The following DPP10 variants were observed in gnomAD, a reference collection of about 807,000 sequenced individuals.
DPP10 encodes the protein inactive dipeptidyl peptidase 10.
In DPP10, 33 loss-of-function variants were observed where a neutral mutation model predicts 120.9. The ratio of observed to expected loss-of-function variants is 0.27; its 90% CI spans 0.21 to 0.37. The LOEUF is 0.37. Ranked by LOEUF, DPP10 falls within the 10% of genes least tolerant of loss-of-function variation. The pLI is 1.00. For missense variants in DPP10, 816 were observed against 942.8 expected, an observed-to-expected ratio of 0.87 and a Z score of 1.76; for synonymous variants, 337 against 326.1, an observed-to-expected ratio of 1.03 and a Z score of -0.36.
Position 115,486,258 on chromosome 2 carries a change from T to G in DPP10, c.272-13252T>G, listed in dbSNP as rs115308639. 5.4e-3 allele frequency among the ~76,000 whole-genome samples: 727 copies of G among 134,924 alleles called. 6 individuals carry two copies. Among genetic ancestry groups the G allele is most frequent in the Non-Finnish European group, 8.9e-3 (538 of 60,376 alleles). The allele number at this position is 134,924 out of a possible 152,430, so 88.5% of individuals were successfully genotyped here. On this transcript the variant is annotated intron_variant, in intron 3 of 25. Coordinates refer to ENST00000410059, the MANE Select transcript of DPP10 (RefSeq NM_020868.6). The stretch of plus-strand genomic sequence containing the variant: ...TAAGGGTGAGAAAACTTGCTTAAGT[T>G]TTACTGGCACTAGTAACATATCCAT...
In DPP10 at chr2:114,834,893, T is replaced by C. The variant is rs550033026; in HGVS notation, c.60+392055T>C. Reference sequence around the variant, plus strand: ...AGACATATCTACACAACTATGTATATATAAGCCATATCTACACACCTATGT... The same window carrying C: ...AGACATATCTACACAACTATGTATACATAAGCCATATCTACACACCTATGT... On this transcript the variant is annotated intron_variant, in intron 1 of 25. Coordinates refer to ENST00000410059, the MANE Select transcript of DPP10 (RefSeq NM_020868.6). Among the ~76,000 whole-genome samples, 8 of 147,596 alleles carry C rather than the reference T, an allele frequency of 5.4e-5. 1 individual carries two copies. Among genetic ancestry groups the C allele is most frequent in the African/African-American group, 8.0e-5 (3 of 37,450 alleles).
At chr2:114,720,350 A>G (rs1462950049) in intron 1 of DPP10, among the ~76,000 whole-genome samples, 1 of 152,158 alleles carries the variant, frequency 6.6e-6, no homozygotes. Context: ...CAAATTAAAC[A>G]TACATACTGA....
intron 1 of DPP10, among the ~76,000 whole-genome samples, chr2:114,605,665 C>A (rs959696939): frequency 6.6e-6 from 1 of 151,834 alleles, no homozygotes; most frequent in African/African-American, 2.4e-5. Flanking sequence ...CCCCTAACCC[C>A]GATATTATTC....
rs542721737 is a variant in DPP10 at position 114,624,566 on chromosome 2, T to C, written c.60+181728T>C. Among the ~76,000 whole-genome samples the C allele has an allele frequency of 3.6e-4, 55 of 151,996 alleles. 2 individuals are homozygous for C. The South Asian group carries it at 0.011, about 29-fold the overall frequency. The stretch of plus-strand genomic sequence containing the variant: ...GAAAATATAAATAATAATACTTAAT[T>C]TGGAGACCTTTCACTTAAAAGAGAC... On this transcript the variant is annotated intron_variant, in intron 1 of 25. Transcript: ENST00000410059.
chr2:114,508,763 C>A (rs958149061), intron 1 of DPP10, among the ~76,000 whole-genome samples: 12 of 152,260 alleles, frequency 7.9e-5, no homozygotes, highest in African/African-American at 2.9e-4. Context: ...ACAGCCCCCA[C>A]TGTCCCCAAA....
chr2:114,693,799 T>G (rs564962981), intron 1 of DPP10, among the ~76,000 whole-genome samples: 1 of 152,034 alleles, frequency 6.6e-6, no homozygotes, highest in South Asian at 2.1e-4. Context: ...TTATCTCTAT[T>G]CTTTTCTGCC....
At chr2:114,506,727 G>C (rs570062224) in intron 1 of DPP10, among the ~76,000 whole-genome samples, 19 of 152,240 alleles carry the variant, frequency 1.2e-4, no homozygotes, top group African/African-American at 4.6e-4. Flanking sequence ...AACACAACTG[G>C]GCCAAGCAAG....
At chr2:115,518,193 A>C (rs561180666) in intron 4 of DPP10, among the ~76,000 whole-genome samples, 25 of 152,298 alleles carry the variant, frequency 1.6e-4, no homozygotes, top group South Asian at 1.0e-3. Flanking sequence ...CCCACCTCCA[A>C]CACTGGGGAT....
intron 2 of DPP10, among the ~76,000 whole-genome samples, chr2:115,330,686 T>C (rs1173523856): frequency 1.3e-5 from 2 of 152,134 alleles, no homozygotes; most frequent in Non-Finnish European, 2.9e-5. Context: ...ATTTATTAAA[T>C]AGGGAATCCT....
At chr2:115,191,648 G>A (rs1399720282) in intron 1 of DPP10, among the ~76,000 whole-genome samples, 4 of 152,276 alleles carry the variant, frequency 2.6e-5, no homozygotes, top group Admixed American at 6.5e-5. Flanking sequence ...GGGAGGGGGC[G>A]GCGCTTTCTT....
chr2:114,777,910 C>G (rs1681906222), intron 1 of DPP10, among the ~76,000 whole-genome samples: 1 of 152,010 alleles, frequency 6.6e-6, no homozygotes, highest in African/African-American at 2.4e-5. Flanking sequence ...ACAGGTTCTG[C>G]TTAAATAATT....
At chr2:114,629,689 A>T (rs1293507808) in intron 1 of DPP10, among the ~76,000 whole-genome samples, 1 of 152,226 alleles carries the variant, frequency 6.6e-6, no homozygotes, top group Non-Finnish European at 1.5e-5. Flanking sequence ...TAATTGGCAC[A>T]GCCACTCTAA....
intron 5 of DPP10, among the ~76,000 whole-genome samples, chr2:115,529,120 T>C (rs1402739619): frequency 6.6e-6 from 1 of 152,108 alleles, no homozygotes; most frequent in Non-Finnish European, 1.5e-5. Flanking sequence ...GATTTTAACT[T>C]GAAAAAGCTG....
chr2:115,147,303 C>G (rs889565502), intron 1 of DPP10, among the ~76,000 whole-genome samples: 1 of 151,866 alleles, frequency 6.6e-6, no homozygotes, highest in Non-Finnish European at 1.5e-5. Flanking sequence ...TCTATGAAAA[C>G]TTATTAATTA....
intron 1 of DPP10, among the ~76,000 whole-genome samples, chr2:114,510,982 C>T (rs544730214): frequency 2.0e-5 from 3 of 152,218 alleles, no homozygotes; most frequent in African/African-American, 4.8e-5. Context: ...AAGCATTAGA[C>T]GCAAAAGGTA....
At chr2:114,528,322 T>G (rs940199595) in intron 1 of DPP10, among the ~76,000 whole-genome samples, 9 of 152,290 alleles carry the variant, frequency 5.9e-5, no homozygotes, top group Middle Eastern at 6.8e-3. Context: ...CAGCCAGAAG[T>G]GCTTGTGACT....
At chr2:115,630,530 T>C (rs952524518) in intron 5 of DPP10, among the ~76,000 whole-genome samples, 1 of 152,176 alleles carries the variant, frequency 6.6e-6, no homozygotes, top group African/African-American at 2.4e-5. Flanking sequence ...CAATATGATA[T>C]TGGCTGTGGG....
At chr2:115,168,216 C>T (rs1475509228) in intron 1 of DPP10, among the ~76,000 whole-genome samples, 2 of 152,108 alleles carry the variant, frequency 1.3e-5, no homozygotes, top group East Asian at 1.9e-4. Context: ...CATGTATGCT[C>T]CACTTATTAA....
intron 1 of DPP10, among the ~76,000 whole-genome samples, chr2:115,015,227 A>T (rs891323586): frequency 6.6e-6 from 1 of 152,240 alleles, no homozygotes; most frequent in Non-Finnish European, 1.5e-5. Context: ...AACCCATTAC[A>T]TAAACAGAAC....
Sources: allele counts gnomAD v4.1 joint callset (sites outside exome capture counted in the v4.1 genomes callset), GRCh38; gene constraint gnomAD v4.1.1; transcripts MANE v1.5; gene names NCBI Gene and HGNC (gene_info 2026-07-23, HGNC 2026-07-21).